Variants in FYB2 observed in about 807,000 individuals in gnomAD.
The protein encoded by FYB2 is FYN binding protein 2.
FYB2 carries 103 observed loss-of-function variants against 94.1 expected under a neutral mutation model. The observed-to-expected ratio is 1.09, with a 90% confidence interval of 0.93 to 1.29. The LOEUF (loss-of-function observed/expected upper bound fraction) is 1.29. Ranked by LOEUF, FYB2 falls within the 50% of genes most tolerant of loss-of-function variation. The probability of loss-of-function intolerance (pLI) is 0.00; values close to 1 mark genes in which losing one functional copy is unlikely to be tolerated. For missense variants in FYB2, 896 were observed against 841.5 expected (o/e 1.06, Z -0.80); for synonymous variants, 293 against 287.9 (o/e 1.02, Z -0.18).
chr1:56,737,246 A>G, intron 14 of FYB2, 99 bp from the exon 15 acceptor site: 1 of 841,314 alleles, frequency 1.2e-6, no homozygotes, highest in Non-Finnish European at 1.8e-6. Flanking sequence ...ATCCAGGTGC[A>G]TCTTCAGGTC....
intron 1 of FYB2, among the ~76,000 whole-genome samples, chr1:56,813,919 G>T: frequency 6.6e-6 from 1 of 152,160 alleles, no homozygotes; most frequent in Non-Finnish European, 1.5e-5. Context: ...AACCAGTCAT[G>T]CTGGCTCAGA....
intron 1 of FYB2, among the ~76,000 whole-genome samples, chr1:56,817,624 C>T (rs979869989): frequency 6.6e-6 from 1 of 152,164 alleles, no homozygotes; most frequent in Non-Finnish European, 1.5e-5. Context: ...AAACCATGTC[C>T]TCAATAAATA....
intron 14 of FYB2, among the ~76,000 whole-genome samples, chr1:56,738,271 A>C (rs1311592497): frequency 1.3e-5 from 2 of 152,130 alleles, no homozygotes; most frequent in Admixed American, 6.6e-5. Flanking sequence ...AAAAGGCAGT[A>C]TGGTAGAATG....
rs576678520 is a variant in FYB2 at position 56,804,861 on chromosome 1, T to C, written c.10-12058A>G. 2.0e-5 allele frequency among the ~76,000 whole-genome samples: 3 copies of C among 152,312 alleles called. 1 individual carries two copies. The highest frequency in any genetic ancestry group is 2.0e-4 in the Admixed American group (3 of 15,298). ...ATCATACATTCCTTAGCCAAACACA[T>C]AAGGTCTTCTCTGATCTTTTCCTGT... On this transcript the variant is annotated intron_variant, in intron 1 of 19. Transcript: ENST00000343433.
chr1:56,816,693 G>T (rs1049607202), intron 1 of FYB2, among the ~76,000 whole-genome samples: 3 of 151,934 alleles, frequency 2.0e-5, no homozygotes, highest in African/African-American at 7.3e-5. Flanking sequence ...TCCTGCCTGG[G>T]CCTCTTCCTT....
intron 1 of FYB2, among the ~76,000 whole-genome samples, chr1:56,804,623 G>A (rs1034878641): frequency 3.3e-5 from 5 of 152,014 alleles, no homozygotes; most frequent in Non-Finnish European, 1.5e-5. Flanking sequence ...CCAGCTACTC[G>A]GGAGGCTGAG....
chr1:56,736,424 C>CTTTTT lies in FYB2; in HGVS notation c.1793+658_1793+662dup, dbSNP rs59242700. 6.3e-4 allele frequency among the ~76,000 whole-genome samples: 76 copies of CTTTTT among 119,972 alleles called. 1 individual carries two copies. The highest frequency in any genetic ancestry group is 1.5e-3 in the African/African-American group (47 of 30,420). 78.7% of individuals were successfully genotyped at this position (119,972 alleles called of 152,430 possible). ...GAGGGAGCATCAAACTTAAGGATGG[C>CTTTTT]TTTTTTTTTTTTTTTTTTTGGAACA... On this transcript the variant is annotated intron_variant, in intron 15 of 19. Coordinates refer to ENST00000343433, the MANE Select transcript of FYB2 (RefSeq NM_001004303.5).
intron 19 of FYB2, 127 bp downstream of exon 19, chr1:56,719,895 G>A: frequency 9.4e-7 from 1 of 1,065,924 alleles, no homozygotes; most frequent in Non-Finnish European, 1.3e-6. Flanking sequence ...ATAGAATAGG[G>A]CACTGCATGT....
intron 4 of FYB2, among the ~76,000 whole-genome samples, chr1:56,773,090 T>C (rs1391445349): frequency 6.6e-6 from 1 of 152,172 alleles, no homozygotes; most frequent in Non-Finnish European, 1.5e-5. Context: ...GTGTTAAAGA[T>C]GATTTACAAA....
intron 19 of FYB2, 88 bp from the exon 20 acceptor site, chr1:56,719,780 G>T: frequency 1.6e-6 from 2 of 1,233,714 alleles, no homozygotes; most frequent in South Asian, 1.4e-5. Context: ...TTCTGATCTA[G>T]TTTAATATGT....
At chr1:56,780,980 G>A (rs1292784283) in intron 4 of FYB2, among the ~76,000 whole-genome samples, 4 of 152,144 alleles carry the variant, frequency 2.6e-5, no homozygotes, top group African/African-American at 7.2e-5. Context: ...TTATCCCAGC[G>A]TGCTGGGACT....
chr1:56,747,180 G>T (rs1645086782), intron 9 of FYB2, among the ~76,000 whole-genome samples: 1 of 151,610 alleles, frequency 6.6e-6, no homozygotes, highest in Admixed American at 6.6e-5. Flanking sequence ...GTATATATTT[G>T]ATACATAAAC....
At chr1:56,793,608 A>G (rs1052162283) in intron 1 of FYB2, among the ~76,000 whole-genome samples, 19 of 152,124 alleles carry the variant, frequency 1.2e-4, no homozygotes, top group African/African-American at 4.6e-4. Context: ...ATAAAGTTTG[A>G]AAAATTACCT....
At chr1:56,781,321 T>C (rs928024758) in intron 4 of FYB2, among the ~76,000 whole-genome samples, 2 of 152,110 alleles carry the variant, frequency 1.3e-5, no homozygotes, top group African/African-American at 4.8e-5. Context: ...ATAACCTCCA[T>C]ATTGTCCTAG....
intron 15 of FYB2, among the ~76,000 whole-genome samples, chr1:56,730,004 T>C (rs1644669874): frequency 6.6e-6 from 1 of 151,754 alleles, no homozygotes. Flanking sequence ...AAACACAACA[T>C]ATCAAACTTA....
intron 5 of FYB2, among the ~76,000 whole-genome samples, chr1:56,763,263 A>G (rs1400451385): frequency 2.0e-5 from 3 of 152,200 alleles, no homozygotes; most frequent in Non-Finnish European, 4.4e-5. Flanking sequence ...TATCATGGTC[A>G]TGGTAATACT....
At chr1:56,799,012 T>A (rs1646461942) in intron 1 of FYB2, among the ~76,000 whole-genome samples, 2 of 152,182 alleles carry the variant, frequency 1.3e-5, no homozygotes, top group South Asian at 4.1e-4. Context: ...GGGAAGATAT[T>A]TTCCCCTTTG....
chr1:56,758,586 G>A (rs1645414425), intron 6 of FYB2, 130 bp downstream of exon 6: 1 of 709,734 alleles, frequency 1.4e-6, no homozygotes, highest in Non-Finnish European at 2.2e-6. Context: ...GCTGGAGTCT[G>A]GAAAATCCTC....
chr1:56,777,589 GCTGT>G (rs950153577), intron 4 of FYB2, among the ~76,000 whole-genome samples: 1 of 152,114 alleles, frequency 6.6e-6, no homozygotes, highest in Non-Finnish European at 1.5e-5. Flanking sequence ...TAAGCCGAGT[GCTGT>G]CTAAGTCCAT....
Sources: allele counts gnomAD v4.1 joint callset (sites outside exome capture counted in the v4.1 genomes callset), GRCh38; gene constraint gnomAD v4.1.1; transcripts MANE v1.5; gene names NCBI Gene and HGNC (gene_info 2026-07-23, HGNC 2026-07-21).